Variants in ERBB4 observed in about 807,000 individuals in gnomAD.
ERBB4 encodes receptor tyrosine-protein kinase erbB-4.
Under a neutral mutation model 158.0 loss-of-function variants are expected in ERBB4, and 42 were observed. The observed-to-expected ratio is 0.27, with a 90% CI of 0.21 to 0.34. The LOEUF (loss-of-function observed/expected upper bound fraction) is 0.34. ERBB4 is among the 10% of genes least tolerant of loss of function. ERBB4 has a pLI of 1.00. For missense variants in ERBB4, 1,333 were observed against 1,624.1 expected (o/e 0.82, Z 3.08); for synonymous variants, 583 against 558.7 (o/e 1.04, Z -0.61).
intron 2 of ERBB4, among the ~76,000 whole-genome samples, chr2:212,078,217 C>T (rs548766616): frequency 6.6e-6 from 1 of 151,994 alleles, no homozygotes; most frequent in Non-Finnish European, 1.5e-5. Flanking sequence ...TTTGTCCCAG[C>T]AACTTCACTT....
At chr2:212,142,088 T>C (rs2080497780) in intron 1 of ERBB4, among the ~76,000 whole-genome samples, 1 of 152,170 alleles carries the variant, frequency 6.6e-6, no homozygotes, top group African/African-American at 2.4e-5. Flanking sequence ...AACACTGCTA[T>C]AAAAGTTTCA....
At chr2:211,595,823 C>G (rs1046838388) in intron 19 of ERBB4, among the ~76,000 whole-genome samples, 1 of 152,096 alleles carries the variant, frequency 6.6e-6, no homozygotes, top group African/African-American at 2.4e-5. Flanking sequence ...TTTTTGTATA[C>G]GTGGGTTCTT....
At chr2:211,644,504 T>C (rs1257666227) in intron 16 of ERBB4, among the ~76,000 whole-genome samples, 4 of 152,054 alleles carry the variant, frequency 2.6e-5, no homozygotes, top group Non-Finnish European at 5.9e-5. Context: ...AATAATATAA[T>C]GCCAAGACAA....
chr2:211,798,923 A>T (rs2105884474), intron 3 of ERBB4, among the ~76,000 whole-genome samples: 1 of 152,292 alleles, frequency 6.6e-6, no homozygotes, highest in Middle Eastern at 3.4e-3. Flanking sequence ...TATCTGGTTG[A>T]GTTAACCCTT....
At chr2:212,275,034 G>T (rs571096849) in intron 1 of ERBB4, among the ~76,000 whole-genome samples, 2 of 151,960 alleles carry the variant, frequency 1.3e-5, no homozygotes, top group South Asian at 4.1e-4. Flanking sequence ...TTGGTTTTCT[G>T]TTCCCTTGTT....
chr2:211,848,553 G>A (rs2077644431), intron 3 of ERBB4, among the ~76,000 whole-genome samples: 1 of 151,980 alleles, frequency 6.6e-6, no homozygotes, highest in Non-Finnish European at 1.5e-5. Flanking sequence ...CTATTAATGT[G>A]TATCCTCATG....
chr2:212,476,349 G>A (rs1428883222), intron 1 of ERBB4, among the ~76,000 whole-genome samples: 6 of 152,032 alleles, frequency 3.9e-5, no homozygotes, highest in Admixed American at 3.3e-4. Context: ...CAGATAGTAG[G>A]TGTCAAAAAA....
chr2:211,766,595 T>A (rs2075554647), intron 4 of ERBB4, among the ~76,000 whole-genome samples: 1 of 152,220 alleles, frequency 6.6e-6, no homozygotes, highest in Non-Finnish European at 1.5e-5. Flanking sequence ...AAGTTCTATT[T>A]AATTGTGAAA....
chr2:211,519,666 CAAAAAAGA>C (rs1338961352), intron 20 of ERBB4, among the ~76,000 whole-genome samples: 8 of 149,336 alleles, frequency 5.4e-5, no homozygotes, highest in South Asian at 2.1e-4. Flanking sequence ...TAAAATAGGG[CAAAAAAGA>C]AAAAAAGAAA....
intron 12 of ERBB4, among the ~76,000 whole-genome samples, chr2:211,688,464 C>T (rs540436094): frequency 1.3e-5 from 2 of 152,198 alleles, no homozygotes; most frequent in African/African-American, 2.4e-5. Context: ...AGGCTCACCT[C>T]ATTTATTTTC....
intron 5 of ERBB4, among the ~76,000 whole-genome samples, chr2:211,730,025 C>T (rs188186617): frequency 1.0e-3 from 152 of 151,956 alleles, no homozygotes; most frequent in Admixed American, 3.8e-3. Context: ...GAGAATTAGA[C>T]GGGTAACATT....
At chr2:212,134,895 C>T (rs59258031) in intron 1 of ERBB4, among the ~76,000 whole-genome samples, 11,518 of 151,930 alleles carry the variant, frequency 0.076, 861 homozygotes, top group African/African-American at 0.19. Flanking sequence ...ACCGTGTCAG[C>T]TAGGATGGTC....
intron 3 of ERBB4, among the ~76,000 whole-genome samples, chr2:211,821,136 T>C (rs986723307): frequency 6.6e-6 from 1 of 151,842 alleles, no homozygotes; most frequent in Non-Finnish European, 1.5e-5. Context: ...CACAATCTTA[T>C]ATATAGACAG....
chr2:211,390,857 A>T (rs2062785115), intron 25 of ERBB4, among the ~76,000 whole-genome samples: 2 of 151,862 alleles, frequency 1.3e-5, no homozygotes, highest in South Asian at 4.2e-4. Flanking sequence ...GCTAAGCAAA[A>T]CCCCTTTAGC....
At chr2:211,972,071 A>G (rs2081470299) in intron 2 of ERBB4, among the ~76,000 whole-genome samples, 1 of 152,240 alleles carries the variant, frequency 6.6e-6, no homozygotes, top group Admixed American at 6.5e-5. Flanking sequence ...GTCTCAGGAT[A>G]TAAAATCAAT....
Position 211,413,309 on chromosome 2 carries a change from A to AAAAAAAAAAAAAACAC in ERBB4, c.3135+7131_3135+7132insGTGTTTTTTTTTTTTT, listed in dbSNP as rs1553524037. On this transcript the variant is annotated intron_variant, in intron 25 of 27. Coordinates refer to ENST00000342788, the MANE Select transcript of ERBB4 (RefSeq NM_005235.3). ...GGACAGAGAGAGACCCTGTCTTAAA[A>AAAAAAAAAAAAAACAC]ACACACACACACACACACACACACA... 7.4e-5 allele frequency among the ~76,000 whole-genome samples: 7 copies of AAAAAAAAAAAAAACAC among 94,572 alleles called. 1 individual carries two copies. Among genetic ancestry groups the AAAAAAAAAAAAAACAC allele is most frequent in the Non-Finnish European group, 1.4e-4 (6 of 42,606 alleles). 62.0% of individuals were successfully genotyped at this position (94,572 alleles called of 152,430 possible). A position where few individuals can be genotyped will look rare whatever the true frequency, so the allele number is the denominator to read the frequency against.
intron 1 of ERBB4, among the ~76,000 whole-genome samples, chr2:212,422,510 C>T (rs571609907): frequency 6.6e-6 from 1 of 151,914 alleles, no homozygotes; most frequent in South Asian, 2.1e-4. Context: ...AACACACACA[C>T]ACACACACAC....
chr2:211,908,930 C>A (rs2079468379), intron 3 of ERBB4, among the ~76,000 whole-genome samples: 1 of 151,382 alleles, frequency 6.6e-6, no homozygotes, highest in South Asian at 2.1e-4. Flanking sequence ...GAGTACATTT[C>A]TAAGCTAATA....
intron 1 of ERBB4, among the ~76,000 whole-genome samples, chr2:212,207,978 A>G (rs903977995): frequency 4.6e-5 from 7 of 152,190 alleles, no homozygotes; most frequent in Non-Finnish European, 7.3e-5. Flanking sequence ...GTGCTAATTA[A>G]AGCCATATAC....
Sources: gnomAD v4.1 joint callset for allele counts (sites outside exome capture counted in the v4.1 genomes callset) on GRCh38, gnomAD v4.1.1 for gene constraint, MANE v1.5 for transcripts, NCBI Gene and HGNC (gene_info 2026-07-23, HGNC 2026-07-21) for gene names.